ULK4: variants seen among roughly 807,000 people sequenced by gnomAD.
ULK4 encodes the protein inactive serine/threonine-protein kinase ULK4.
A neutral mutation model predicts 160.6 loss-of-function variants in ULK4; 133 were observed. That is an observed-to-expected ratio of 0.83 (90% CI 0.72 to 0.96). The LOEUF (loss-of-function observed/expected upper bound fraction) is 0.96, where lower values mean the gene tolerates loss of function less well. ULK4 is among the 40% of genes least tolerant of loss of function. The pLI, the probability that ULK4 is intolerant of heterozygous loss-of-function variation, is 0.00. For missense variants in ULK4, 1,580 were observed against 1,499.5 expected (o/e 1.05, Z -0.89); for synonymous variants, 534 against 539.8 (o/e 0.99, Z 0.15).
intron 32 of ULK4, among the ~76,000 whole-genome samples, chr3:41,540,537 CTTTG>C (rs2086661051): frequency 6.6e-6 from 1 of 152,096 alleles, no homozygotes; most frequent in African/African-American, 2.4e-5. Context: ...ATTTATAATC[CTTTG>C]GGTATATACC....
chr3:41,265,328 G>A (rs752854662), intron 35 of ULK4, among the ~76,000 whole-genome samples: 32 of 152,200 alleles, frequency 2.1e-4, no homozygotes, highest in Non-Finnish European at 3.7e-4. Context: ...CCCTTGCTGA[G>A]CATGAGTCAC....
In ULK4 at chr3:41,954,632, A is replaced by T; in HGVS notation, c.128T>A (p.Ile43Lys). ...LCTDKCKRPE[I>K]TNWVRLTREI... ...AATACACTGACTTACCCAGTTGGTT[A>T]TTTCAGGCCTTTTGCACTTATCAGT... The change falls in exon 2 of 37, where the codon ATA becomes AAA. Residue 43 changes from isoleucine (I) to lysine (K), a missense_variant. Ile to Lys is a moderately radical substitution (Grantham distance 102). Transcript: ENST00000301831. 6.2e-7 allele frequency: 1 copy of T among 1,612,734 alleles called. No individual in the cohort carries two copies. The highest frequency in any genetic ancestry group is 8.5e-7 in the Non-Finnish European group (1 of 1,179,528).
At chr3:41,692,363 C>T (rs552065753) in intron 27 of ULK4, among the ~76,000 whole-genome samples, 10 of 152,166 alleles carry the variant, frequency 6.6e-5, no homozygotes, top group South Asian at 4.1e-4. Flanking sequence ...CTCACTGGTA[C>T]GGGGTCACCT....
At chr3:41,460,129 T>C (rs1161079146) in intron 33 of ULK4, among the ~76,000 whole-genome samples, 2 of 152,196 alleles carry the variant, frequency 1.3e-5, no homozygotes, top group African/African-American at 4.8e-5. Context: ...ATAGCCTTTA[T>C]GTGTATGTGG....
At chr3:41,835,210 AAAAC>A (rs1462095900) in intron 18 of ULK4, among the ~76,000 whole-genome samples, 11 of 152,222 alleles carry the variant, frequency 7.2e-5, no homozygotes, top group East Asian at 1.9e-4. Flanking sequence ...ACCCTGTCTC[AAAAC>A]AAACAAAGAA....
chr3:41,523,462 G>A (rs1201313394), intron 32 of ULK4, among the ~76,000 whole-genome samples: 1 of 152,092 alleles, frequency 6.6e-6, no homozygotes. Flanking sequence ...TGCACTTAAT[G>A]CCACAAAATT....
chr3:41,730,693 G>A (rs986775761), intron 22 of ULK4, among the ~76,000 whole-genome samples: 1 of 152,096 alleles, frequency 6.6e-6, no homozygotes, highest in African/African-American at 2.4e-5. Flanking sequence ...AACATTTAAA[G>A]AACTAACAGT....
chr3:41,397,358 T>C (rs1307366121), intron 35 of ULK4, among the ~76,000 whole-genome samples: 1 of 152,150 alleles, frequency 6.6e-6, no homozygotes, highest in Non-Finnish European at 1.5e-5. Flanking sequence ...AAAATTTCCA[T>C]TTTGCAACTA....
At chr3:41,631,817 T>C (rs2033759134) in intron 30 of ULK4, among the ~76,000 whole-genome samples, 1 of 152,096 alleles carries the variant, frequency 6.6e-6, no homozygotes, top group Non-Finnish European at 1.5e-5. Flanking sequence ...CTCTGACTCC[T>C]TCCAACCCTG....
chr3:41,679,006 C>G (rs1475235364), intron 29 of ULK4, among the ~76,000 whole-genome samples: 1 of 152,120 alleles, frequency 6.6e-6, no homozygotes, highest in Non-Finnish European at 1.5e-5. Context: ...TTCTAGTTTT[C>G]CAGAGTTAAG....
intron 30 of ULK4, among the ~76,000 whole-genome samples, chr3:41,646,534 G>A (rs1471543187): frequency 6.6e-6 from 1 of 152,206 alleles, no homozygotes; most frequent in Non-Finnish European, 1.5e-5. Context: ...ACTCTCTTCT[G>A]GCTTGTACAG....
At position 41,513,625 on chromosome 3, in the gene ULK4, C is replaced by A. The variant is rs557026127; in HGVS notation, c.3227-50372G>T. 3.9e-5 allele frequency among the ~76,000 whole-genome samples: 6 copies of A among 152,288 alleles called. No homozygotes were observed. The East Asian group carries it at 1.2e-3, about 29-fold the overall frequency. ...TCCAGCCTGGCAACAGAGCAAGAGT[C>A]CATCAACAACAACAAGGAACAAAAT... On this transcript the variant is annotated intron_variant, in intron 32 of 36. Coordinates refer to ENST00000301831, the MANE Select transcript of ULK4 (RefSeq NM_017886.4).
chr3:41,759,602 A>C (rs920019646), intron 21 of ULK4, among the ~76,000 whole-genome samples: 3 of 152,188 alleles, frequency 2.0e-5, no homozygotes, highest in Non-Finnish European at 4.4e-5. Flanking sequence ...CAAAATCCCA[A>C]CAGGGCATTT....
chr3:41,364,835 A>G (rs1242021457), intron 35 of ULK4, among the ~76,000 whole-genome samples: 3 of 152,138 alleles, frequency 2.0e-5, no homozygotes. Flanking sequence ...AATCTTTTTT[A>G]CGGCTTCAAT....
At chr3:41,344,752 C>CAA (rs59466358) in intron 35 of ULK4, among the ~76,000 whole-genome samples, 2,525 of 62,614 alleles carry the variant, frequency 0.04, 90 homozygotes, top group East Asian at 0.2. Context: ...GACTCTGTCT[C>CAA]AAAAAAAAAA....
intron 32 of ULK4, among the ~76,000 whole-genome samples, chr3:41,563,549 G>C (rs1358711218): frequency 1.3e-5 from 2 of 152,154 alleles, no homozygotes; most frequent in Non-Finnish European, 2.9e-5. Flanking sequence ...TGGAGGCTTT[G>C]TTCGTTTCTT....
At chr3:41,951,144 CAAAAAAA>C (rs34524276) in intron 2 of ULK4, among the ~76,000 whole-genome samples, 3 of 64,658 alleles carry the variant, frequency 4.6e-5, no homozygotes, top group Non-Finnish European at 7.6e-5. Context: ...GGCTTCGTCT[CAAAAAAA>C]AAAAAAAAAA....
intron 35 of ULK4, among the ~76,000 whole-genome samples, chr3:41,255,001 A>G (rs1242760443): frequency 6.6e-6 from 1 of 152,068 alleles, no homozygotes; most frequent in African/African-American, 2.4e-5. Flanking sequence ...AGGCCCTAAA[A>G]TATCAATACT....
intron 34 of ULK4, among the ~76,000 whole-genome samples, chr3:41,443,627 C>T (rs1267774639): frequency 3.3e-5 from 5 of 152,098 alleles, no homozygotes; most frequent in African/African-American, 1.2e-4. Flanking sequence ...GTTAAGGGGA[C>T]TGACATTATT....
Sources: gnomAD v4.1 joint callset for allele counts (sites outside exome capture counted in the v4.1 genomes callset) on GRCh38, gnomAD v4.1.1 for gene constraint, MANE v1.5 for transcripts, NCBI Gene and HGNC (gene_info 2026-07-23, HGNC 2026-07-21) for gene names.